The following PRIM2 variants were observed in gnomAD, a reference collection of about 807,000 sequenced individuals.
PRIM2 encodes DNA primase subunit 2, also known as DNA primase large subunit.
A neutral mutation model predicts 67.3 loss-of-function variants in PRIM2; 39 were observed. The observed-to-expected ratio is 0.58, with a 90% CI of 0.45 to 0.76. The LOEUF (loss-of-function observed/expected upper bound fraction) is 0.76, where lower values mean the gene tolerates loss of function less well. Among genes scored for constraint, PRIM2 ranks in the 30% least tolerant of loss-of-function variants. The pLI, the probability that PRIM2 is intolerant of heterozygous loss-of-function variation, is 0.00. For synonymous variants in PRIM2, 143 were observed against 198.7 expected, an observed-to-expected ratio of 0.72 and a Z score of 2.36; for missense variants, 398 against 598.7, an observed-to-expected ratio of 0.66 and a Z score of 3.50.
intron 7 of PRIM2, among the ~76,000 whole-genome samples, chr6:57,499,184 C>A (rs1774074144): frequency 6.6e-6 from 1 of 152,210 alleles, no homozygotes; most frequent in Non-Finnish European, 1.5e-5. Context: ...ATCAATGTTA[C>A]ACAACTTCAA....
the PRIM2 span, among the ~76,000 whole-genome samples, chr6:57,294,713 A>G: frequency 6.6e-6 from 1 of 151,904 alleles, no homozygotes; most frequent in Admixed American, 6.6e-5. Context: ...TTAAGCATTT[A>G]TGTATATTGA....
At chr6:57,422,631 T>G (rs1201794155) in intron 7 of PRIM2, among the ~76,000 whole-genome samples, 2 of 152,214 alleles carry the variant, frequency 1.3e-5, no homozygotes, top group Non-Finnish European at 2.9e-5. Context: ...AAAATCCATT[T>G]AGACTAATTT....
chr6:57,446,415 C>CTTTTTTTTTTTTTTTTTTTTTTTTTT (rs1581912466), intron 7 of PRIM2, among the ~76,000 whole-genome samples: 1 of 43,310 alleles, frequency 2.3e-5, no homozygotes, highest in Non-Finnish European at 4.6e-5. Flanking sequence ...GCACACGCCA[C>CTTTTTTTTTTTTTTTTTTTTTTTTTT]TTCTTTTTTT....
At chr6:57,628,815 A>G (rs1776997891) in intron 12 of PRIM2, among the ~76,000 whole-genome samples, 1 of 151,988 alleles carries the variant, frequency 6.6e-6, no homozygotes, top group African/African-American at 2.4e-5. Flanking sequence ...AAAGGACATG[A>G]TTTTGTTCTT....
chr6:57,544,408 C>T (rs1456232801), intron 10 of PRIM2, among the ~76,000 whole-genome samples: 80 of 151,902 alleles, frequency 5.3e-4, no homozygotes, highest in African/African-American at 1.7e-3. Context: ...AAGCTGATGC[C>T]CTTTGGATTT....
Position 57,501,403 on chromosome 6 carries a change from G to A in PRIM2, c.694-5984G>A, listed in dbSNP as rs1554346870. ...CAACCTCTGCCTCCTGGGTTCAAGCGATTATCCTGCCTCAGCCTCCTGAGT... is the reference window on the plus strand; with the variant it reads ...CAACCTCTGCCTCCTGGGTTCAAGCAATTATCCTGCCTCAGCCTCCTGAGT... On this transcript the variant is annotated intron_variant, in intron 7 of 13. Transcript: ENST00000615550. Among the ~76,000 whole-genome samples the A allele has an allele frequency of 1.8e-4, 27 of 152,110 alleles. 1 individual carries two copies. Among genetic ancestry groups the A allele is most frequent in the Admixed American group, 1.3e-3 (20 of 15,262 alleles).
intron 5 of PRIM2, among the ~76,000 whole-genome samples, chr6:57,354,673 C>T (rs1768968673): frequency 6.6e-6 from 1 of 152,140 alleles, no homozygotes; most frequent in Admixed American, 6.5e-5. Context: ...TATTTAAAAT[C>T]AACTTGTCAA....
chr6:57,526,291 T>C (rs2127466092), intron 8 of PRIM2, among the ~76,000 whole-genome samples: 1 of 152,304 alleles, frequency 6.6e-6, no homozygotes, highest in African/African-American at 2.4e-5. Context: ...ATTTCACCCT[T>C]AATGCCTTTC....
At position 57,606,944 on chromosome 6, in the gene PRIM2, A is replaced by C. The variant is rs1168510430; in HGVS notation, c.1230+487A>C. Among the ~76,000 whole-genome samples, 257 of 152,352 alleles carry C rather than the reference A, an allele frequency of 1.7e-3. 1 individual carries two copies. The highest frequency in any genetic ancestry group is 6.1e-3 in the African/African-American group (252 of 41,586). On this transcript the variant is annotated intron_variant, in intron 12 of 13. Transcript: ENST00000615550. ...GATGGTAGATCAAATAGTTTGTCAA[A>C]ATACTTTGTCTTATGGACAATGGAA...
chr6:57,349,177 A>G (rs7738699), intron 5 of PRIM2, among the ~76,000 whole-genome samples: 19,524 of 152,096 alleles, frequency 0.13, 1,393 homozygotes, highest in African/African-American at 0.18. Flanking sequence ...TTTCCCCCAT[A>G]TTTTTGGTAT....
intron 5 of PRIM2, among the ~76,000 whole-genome samples, chr6:57,355,317 AAT>A (rs1477122050): frequency 0.11 from 16,001 of 144,778 alleles, 806 homozygotes; most frequent in African/African-American, 0.16. Context: ...AAAAAAAAAA[AAT>A]AAGTAAATAA....
chr6:57,417,249 G>A (rs1771295986), intron 7 of PRIM2, among the ~76,000 whole-genome samples: 1 of 152,148 alleles, frequency 6.6e-6, no homozygotes, highest in East Asian at 1.9e-4. Context: ...TTACAGGCGT[G>A]AGCCAGCATG....
chr6:57,342,695 C>G (rs376493283), intron 5 of PRIM2, among the ~76,000 whole-genome samples: 2,008 of 152,292 alleles, frequency 0.013, 18 homozygotes, highest in South Asian at 0.058. Flanking sequence ...GAAGAATATT[C>G]TGTGTGTCAC....
chr6:57,430,435 GTTTC>G (rs1192507060), intron 7 of PRIM2, among the ~76,000 whole-genome samples: 7 of 142,672 alleles, frequency 4.9e-5, no homozygotes, highest in Non-Finnish European at 9.1e-5. Flanking sequence ...TTGTATAGGA[GTTTC>G]TTTCTTTGTT....
intron 7 of PRIM2, among the ~76,000 whole-genome samples, chr6:57,432,221 TG>T (rs561001849): frequency 1.3e-5 from 2 of 152,112 alleles, no homozygotes; most frequent in African/African-American, 2.4e-5. Flanking sequence ...TTTCCATTTT[TG>T]GGGGGGGTTG....
intron 5 of PRIM2, among the ~76,000 whole-genome samples, chr6:57,345,751 C>T (rs1768654672): frequency 6.6e-6 from 1 of 152,124 alleles, no homozygotes. Flanking sequence ...ATGGCTACTG[C>T]ATAGGCAGAG....
intron 7 of PRIM2, among the ~76,000 whole-genome samples, chr6:57,480,669 G>A (rs1243405868): frequency 9.9e-5 from 15 of 151,804 alleles, no homozygotes; most frequent in Admixed American, 2.0e-4. Flanking sequence ...TCACTCTGTC[G>A]CCAGGCTGGA....
intron 7 of PRIM2, among the ~76,000 whole-genome samples, chr6:57,421,416 T>G (rs901850317): frequency 1.3e-5 from 2 of 152,200 alleles, no homozygotes; most frequent in Admixed American, 1.3e-4. Context: ...TATATCAAAT[T>G]CTTTTGTTTT....
intron 10 of PRIM2, among the ~76,000 whole-genome samples, chr6:57,566,787 G>C (rs1775751504): frequency 6.6e-6 from 1 of 152,148 alleles, no homozygotes; most frequent in African/African-American, 2.4e-5. Flanking sequence ...GAAAGAATAG[G>C]TAATTTCATC....
Sources: allele counts gnomAD v4.1 joint callset (sites outside exome capture counted in the v4.1 genomes callset), GRCh38; gene constraint gnomAD v4.1.1; transcripts MANE v1.5; gene names NCBI Gene and HGNC (gene_info 2026-07-23, HGNC 2026-07-21).